The following URB2 variants were observed in gnomAD, a reference collection of about 807,000 sequenced individuals.
The protein encoded by URB2 is unhealthy ribosome biogenesis protein 2 homolog.
URB2 carries 86 observed loss-of-function variants against 120.9 expected under a neutral mutation model. The ratio of observed to expected loss-of-function variants is 0.71; its 90% CI spans 0.60 to 0.85. The LOEUF (loss-of-function observed/expected upper bound fraction) is 0.85, where lower values mean the gene tolerates loss of function less well. Ranked by LOEUF, URB2 falls within the 40% of genes least tolerant of loss-of-function variation. The pLI, the probability that URB2 is intolerant of heterozygous loss-of-function variation, is 0.00. For synonymous variants in URB2, 755 were observed against 758.4 expected, an observed-to-expected ratio of 1.00 and a Z score of 0.07; for missense variants, 1,765 against 1,836.5, an observed-to-expected ratio of 0.96 and a Z score of 0.71.
At chr1:229,654,753 A>G (rs988239755) in intron 9 of URB2, among the ~76,000 whole-genome samples, 1 of 152,128 alleles carries the variant, frequency 6.6e-6, no homozygotes, top group Non-Finnish European at 1.5e-5. Context: ...CAGCCTTCCC[A>G]TTCTCTGGAG....
chr1:229,656,972 T>C (rs942331718), intron 9 of URB2, among the ~76,000 whole-genome samples: 5 of 152,214 alleles, frequency 3.3e-5, no homozygotes, highest in Non-Finnish European at 5.9e-5. Flanking sequence ...AAACCCATCG[T>C]AAAAGTGAAA....
At chr1:229,638,614 C>A (rs1355531036) in intron 4 of URB2, among the ~76,000 whole-genome samples, 1 of 151,102 alleles carries the variant, frequency 6.6e-6, no homozygotes, top group Admixed American at 6.6e-5. Context: ...CCACTGCACT[C>A]TAGCTTGGGC....
At chr1:229,630,518 T>C (rs967965956) in intron 2 of URB2, among the ~76,000 whole-genome samples, 1 of 152,204 alleles carries the variant, frequency 6.6e-6, no homozygotes, top group African/African-American at 2.4e-5. Flanking sequence ...TGTTTTTCCA[T>C]TGACAGAGCA....
At chr1:229,655,879 A>AG (rs373053756) in intron 9 of URB2, among the ~76,000 whole-genome samples, 1 of 152,238 alleles carries the variant, frequency 6.6e-6, no homozygotes, top group African/African-American at 2.4e-5. Flanking sequence ...TCCTTAGAAA[A>AG]CCTGGAGCTG....
Position 229,636,096 on chromosome 1 carries a change from T to G in URB2, c.1483T>G (p.Ser495Ala), listed in dbSNP as rs1665804733. ...LRQPVLASGP[S>A]TVLSACLLEL... ...GCAGCCTGTGCTGGCCTCGGGCCCC[T>G]CCACGGTACTCTCTGCATGCCTCCT... Residue 495 changes from serine (S) to alanine (A), a missense_variant, in exon 4 of 10, where the codon TCC (serine) becomes GCC (alanine). Transcript: ENST00000258243. 1.2e-6 allele frequency: 2 copies of G among 1,614,128 alleles called. No individual in the cohort carries two copies. The highest frequency in any genetic ancestry group is 1.7e-5 in the Admixed American group (1 of 60,018).
At chr1:229,651,413 CACTT>C in intron 8 of URB2, 91 bp downstream of exon 8, 1 of 1,059,310 alleles carries the variant, frequency 9.4e-7, no homozygotes, top group East Asian at 2.7e-5. Flanking sequence ...TAAAACTACT[CACTT>C]GTGTTTAAAT....
chr1:229,634,034 G>A (rs1333591616), intron 3 of URB2, among the ~76,000 whole-genome samples: 1 of 151,954 alleles, frequency 6.6e-6, no homozygotes, highest in African/African-American at 2.4e-5. Context: ...GTTTCACCAT[G>A]TTGACCAGGC....
At position 229,642,202 on chromosome 1, in the gene URB2, G is replaced by T. The variant is rs899603484; in HGVS notation, c.3635-1331G>T. Among the ~76,000 whole-genome samples, 4 of 152,298 alleles carry T rather than the reference G, an allele frequency of 2.6e-5. No homozygotes were observed. In the East Asian group the frequency reaches 5.8e-4, roughly 22 times the overall value. On this transcript the variant is annotated intron_variant, in intron 4 of 9. Transcript: ENST00000258243. ...GACTCGGTGGAGAGGCCACATACAG[G>T]CCACGTGTGAGTGGCCCTTGAAGGG...
Position 229,636,558 on chromosome 1 carries a change from C to T in URB2, c.1945C>T (p.Pro649Ser), listed in dbSNP as rs768964936. Residue 649 changes from proline (P) to serine (S), a missense_variant, in exon 4 of 10, where the codon CCA becomes TCA. Coordinates refer to ENST00000258243, the MANE Select transcript of URB2 (RefSeq NM_014777.4). ...LEISNLPSLLPGVKTQHWKKI... is the reference protein window; with the variant it reads ...LEISNLPSLLSGVKTQHWKKI... ...GATCTCGAACCTCCCTTCGTTGCTC[C>T]CAGGTGTAAAAACACAGCATTGGAA... 2 of 1,614,006 alleles carry T rather than the reference C, an allele frequency of 1.2e-6. No homozygotes were observed. The highest frequency in any genetic ancestry group is 1.7e-5 in the Admixed American group (1 of 60,002).
At chr1:229,628,143 TATA>T (rs1558160068) in intron 2 of URB2, among the ~76,000 whole-genome samples, 10 of 119,404 alleles carry the variant, frequency 8.4e-5, no homozygotes, top group African/African-American at 3.2e-4. Context: ...ATAATATATA[TATA>T]ATATATATAG....
chr1:229,637,763 C>G lies in URB2; in HGVS notation c.3150C>G (p.Pro1050=). The G allele has an allele frequency of 6.2e-7, 1 of 1,614,126 alleles. No homozygotes were observed. Among genetic ancestry groups the G allele is most frequent in the Non-Finnish European group, 8.5e-7 (1 of 1,180,044 alleles). ...GCAAACAATTAGAAAATCAGAACCC[C>G]CAGGGCAGGCAGCTCCTTCTGGTGT... The part of the protein sequence containing the change: ...ASSKQLENQN[P]QGRQLLLVSL... Residue 1050 remains proline, a synonymous_variant, in exon 4 of 10, where the codon CCC becomes CCG. Transcript: ENST00000258243.
intron 2 of URB2, 60 bp from the exon 3 acceptor site, chr1:229,632,209 T>G (rs1175161122): frequency 1.4e-6 from 2 of 1,453,212 alleles, no homozygotes; most frequent in Non-Finnish European, 1.8e-6. Context: ...CCCTATAATG[T>G]CTAACATCTT....
chr1:229,647,601 G>A lies in URB2; in HGVS notation c.3998G>A (p.Gly1333Glu), dbSNP rs774472016. Residue 1333 changes from glycine (G) to glutamate (E), a missense_variant, in exon 7 of 10, where the codon GGG becomes GAG. Gly to Glu is a moderately conservative substitution (Grantham distance 98, BLOSUM62 -2). Coordinates refer to ENST00000258243, the MANE Select transcript of URB2 (RefSeq NM_014777.4). ...LDVLAALLRQGEEAIGNPHHV... is the reference protein window; with the variant it reads ...LDVLAALLRQEEEAIGNPHHV... ...GTCCTGGCTGCACTGCTGCGGCAGGGGGAGGAGGCCATCGGCAACCCCCAC... is the reference window on the plus strand; with the variant it reads ...GTCCTGGCTGCACTGCTGCGGCAGGAGGAGGAGGCCATCGGCAACCCCCAC... The A allele has an allele frequency of 6.2e-7, 1 of 1,614,190 alleles. No individual in the cohort carries two copies. Among genetic ancestry groups the A allele is most frequent in the Non-Finnish European group, 8.5e-7 (1 of 1,180,046 alleles).
intron 2 of URB2, among the ~76,000 whole-genome samples, chr1:229,628,962 G>A (rs1665597126): frequency 6.6e-6 from 1 of 152,248 alleles, no homozygotes. Context: ...TTGGCAGCGT[G>A]GCCATCACCT....
At chr1:229,651,794 A>T (rs1030557794) in intron 8 of URB2, among the ~76,000 whole-genome samples, 1 of 152,276 alleles carries the variant, frequency 6.6e-6, no homozygotes, top group African/African-American at 2.4e-5. Context: ...ACTAACTGCC[A>T]TATGGCAATA....
chr1:229,634,825 G>C, intron 3 of URB2, 92 bp from the exon 4 acceptor site: 1 of 1,172,666 alleles, frequency 8.5e-7, no homozygotes, highest in Non-Finnish European at 1.1e-6. Flanking sequence ...GAGGGAAAGG[G>C]GTGAGTTTGT....
At position 229,643,657 on chromosome 1, in the gene URB2, A is replaced by T. The variant is rs748188329; in HGVS notation, c.3759A>T (p.Gly1253=). 3 of 1,614,018 alleles carry T rather than the reference A, an allele frequency of 1.9e-6. No homozygotes were observed. Among genetic ancestry groups the T allele is most frequent in the African/African-American group, 2.7e-5 (2 of 74,928 alleles). Residue 1253 remains glycine, a synonymous_variant, in exon 5 of 10, where the codon GGA becomes GGT. Coordinates refer to ENST00000258243, the MANE Select transcript of URB2 (RefSeq NM_014777.4). ...TGGTGATGCAGTGTATTCTCCAGGG[A>T]CTGGATGTCAGTAACATGTGGAAAG... The part of the protein sequence containing the change: ...LRLVMQCILQ[G]LDVSNMWKAD...
intron 4 of URB2, among the ~76,000 whole-genome samples, chr1:229,639,336 CTTTT>C (rs200235230): frequency 1.5e-5 from 2 of 135,108 alleles, no homozygotes. Context: ...CACTTAATTT[CTTTT>C]TTTTTTTTTT....
Position 229,627,611 on chromosome 1 carries a change from T to C in URB2, c.-13-10T>C. On this transcript the variant is annotated splice_polypyrimidine_tract_variant and intron_variant, in intron 1 of 9. Coordinates refer to ENST00000258243, the MANE Select transcript of URB2 (RefSeq NM_014777.4). Reference sequence around the variant, plus strand: ...ATAGTATTTTTTTTCCCATTGTTTTTAAATTTTAGATAAAGCCTAGCCATG... The same window carrying C: ...ATAGTATTTTTTTTCCCATTGTTTTCAAATTTTAGATAAAGCCTAGCCATG... The C allele has an allele frequency of 6.2e-7, 1 of 1,600,884 alleles. No homozygotes were observed. The highest frequency in any genetic ancestry group is 1.1e-5 in the South Asian group (1 of 87,756).
Sources: gnomAD v4.1 joint callset for allele counts (sites outside exome capture counted in the v4.1 genomes callset) on GRCh38, gnomAD v4.1.1 for gene constraint, MANE v1.5 for transcripts, NCBI Gene and HGNC (gene_info 2026-07-23, HGNC 2026-07-21) for gene names.